DLGAP2: variants seen among roughly 807,000 people sequenced by gnomAD.
DLGAP2 encodes DLG associated protein 2, also known as disks large-associated protein 2.
Under a neutral mutation model 100.3 loss-of-function variants are expected in DLGAP2, and 26 were observed. The observed-to-expected ratio is 0.26, with a 90% CI of 0.19 to 0.36. DLGAP2 has a LOEUF of 0.36. DLGAP2 is among the 10% of genes least tolerant of loss of function. The probability of loss-of-function intolerance (pLI) is 1.00; values close to 1 mark genes in which losing one functional copy is unlikely to be tolerated. For synonymous variants in DLGAP2, 886 were observed against 630.1 expected, an observed-to-expected ratio of 1.41 and a Z score of -6.08; for missense variants, 1,858 against 1,453.2, an observed-to-expected ratio of 1.28 and a Z score of -4.53.
chr8:925,999 G>A (rs1798806226), intron 2 of DLGAP2, among the ~76,000 whole-genome samples: 1 of 152,198 alleles, frequency 6.6e-6, no homozygotes. Context: ...TACTCAGTGA[G>A]TAACTCACTT....
At chr8:1,389,500 C>G (rs778155312) in intron 3 of DLGAP2, among the ~76,000 whole-genome samples, 1 of 152,150 alleles carries the variant, frequency 6.6e-6, no homozygotes, top group Non-Finnish European at 1.5e-5. Flanking sequence ...GCTAAGGGCA[C>G]TCAGAGCTGG....
At chr8:1,529,520 T>C (rs888524183) in intron 4 of DLGAP2, among the ~76,000 whole-genome samples, 2 of 151,968 alleles carry the variant, frequency 1.3e-5, no homozygotes, top group African/African-American at 2.4e-5. Flanking sequence ...CTGAGAAAAA[T>C]TCATGTTTAT....
At chr8:1,252,208 G>C (rs111452008) in intron 2 of DLGAP2, among the ~76,000 whole-genome samples, 5,212 of 148,586 alleles carry the variant, frequency 0.035, 276 homozygotes, top group African/African-American at 0.11. Flanking sequence ...TGTCACACTT[G>C]TCACACTGTG....
chr8:1,003,636 C>T (rs1801024261), intron 2 of DLGAP2, among the ~76,000 whole-genome samples: 1 of 152,184 alleles, frequency 6.6e-6, no homozygotes, highest in South Asian at 2.1e-4. Flanking sequence ...GTGATGTGAG[C>T]TGGGGCTGAG....
chr8:1,136,532 C>T (rs963159444), intron 2 of DLGAP2, among the ~76,000 whole-genome samples: 12 of 152,206 alleles, frequency 7.9e-5, no homozygotes, highest in East Asian at 1.9e-4. Context: ...CGGCAGACAA[C>T]GTGGCTAGCA....
chr8:1,370,376 C>A (rs1802208795), intron 3 of DLGAP2, among the ~76,000 whole-genome samples: 1 of 152,148 alleles, frequency 6.6e-6, no homozygotes, highest in Non-Finnish European at 1.5e-5. Flanking sequence ...CTCGTCACCA[C>A]CTTAATACCC....
intron 12 of DLGAP2, 122 bp from the exon 13 acceptor site, chr8:1,691,412 CG>C (rs1162534978): frequency 2.6e-6 from 2 of 775,664 alleles, no homozygotes; most frequent in Non-Finnish European, 4.1e-6. Flanking sequence ...ACGCTCGGCA[CG>C]ATGAAGTCGT....
chr8:833,080 G>C (rs1174444695), intron 1 of DLGAP2, among the ~76,000 whole-genome samples: 4 of 152,196 alleles, frequency 2.6e-5, no homozygotes, highest in Non-Finnish European at 5.9e-5. Context: ...GAGCAGCACT[G>C]GGGTTGATAC....
intron 3 of DLGAP2, among the ~76,000 whole-genome samples, chr8:1,462,605 G>C (rs898365106): frequency 5.9e-5 from 9 of 152,172 alleles, no homozygotes; most frequent in African/African-American, 2.2e-4. Flanking sequence ...TGGCTACCTT[G>C]GGTGGATGGG....
intron 3 of DLGAP2, among the ~76,000 whole-genome samples, chr8:1,498,426 T>G (rs906488356): frequency 1.3e-5 from 2 of 152,188 alleles, no homozygotes; most frequent in African/African-American, 4.8e-5. Flanking sequence ...TTTTATTTTG[T>G]TCTTTATCTG....
intron 2 of DLGAP2, among the ~76,000 whole-genome samples, chr8:1,258,377 T>G (rs1028545455): frequency 6.6e-6 from 1 of 151,244 alleles, no homozygotes; most frequent in East Asian, 1.9e-4. Flanking sequence ...TAAGTGGGAG[T>G]TGAACAATGA....
chr8:1,125,802 C>A (rs537270496), intron 2 of DLGAP2, among the ~76,000 whole-genome samples: 1 of 152,198 alleles, frequency 6.6e-6, no homozygotes, highest in Non-Finnish European at 1.5e-5. Context: ...GCGGGAAGGC[C>A]GCTCTACAGC....
At chr8:1,478,749 C>T (rs1451278997) in intron 3 of DLGAP2, among the ~76,000 whole-genome samples, 2 of 152,302 alleles carry the variant, frequency 1.3e-5, no homozygotes, top group East Asian at 3.9e-4. Flanking sequence ...ACCCACCAGT[C>T]GGCTCCTCAG....
At chr8:947,203 G>A (rs1425701893) in intron 2 of DLGAP2, among the ~76,000 whole-genome samples, 1 of 152,164 alleles carries the variant, frequency 6.6e-6, no homozygotes, top group Non-Finnish European at 1.5e-5. Flanking sequence ...CAACCCAGGA[G>A]CCCGGGGAGC....
rs1000711260 is a variant in DLGAP2, at chr8:1,234,724, C to T, written c.74-24127C>T. On this transcript the variant is annotated intron_variant, in intron 2 of 14. Coordinates refer to ENST00000637795, the MANE Select transcript of DLGAP2 (RefSeq NM_001346810.2). ...TTGGACTGACAGTGATTCTGTTGCA[C>T]GTCACACCCTTTCTGGGAACTCATA... Among the ~76,000 whole-genome samples the T allele has an allele frequency of 5.3e-5, 8 of 152,286 alleles. No individual in the cohort carries two copies. In the East Asian group the frequency reaches 9.7e-4, roughly 18 times the overall value.
chr8:1,510,440 T>A (rs891462486), intron 4 of DLGAP2, among the ~76,000 whole-genome samples: 1 of 152,234 alleles, frequency 6.6e-6, no homozygotes. Context: ...CAGTTTGTGA[T>A]GCCTGGGCCA....
At chr8:1,311,417 A>T (rs1481003900) in intron 3 of DLGAP2, among the ~76,000 whole-genome samples, 1 of 152,252 alleles carries the variant, frequency 6.6e-6, no homozygotes, top group Non-Finnish European at 1.5e-5. Context: ...AACAATTCCT[A>T]ACACATTCCT....
rs372888355 is a variant in DLGAP2 at position 1,624,845 on chromosome 8, TTCTC to T, written c.1443-1875_1443-1872del. Among the ~76,000 whole-genome samples the T allele has an allele frequency of 5.2e-4, 65 of 126,112 alleles. No homozygotes were observed. In the South Asian group the frequency reaches 0.01, roughly 20 times the overall value. 82.7% of individuals were successfully genotyped at this position (126,112 alleles called of 152,430 possible). On this transcript the variant is annotated intron_variant, in intron 6 of 14. Coordinates refer to ENST00000637795, the MANE Select transcript of DLGAP2 (RefSeq NM_001346810.2). The stretch of plus-strand genomic sequence containing the variant: ...TCAAAACTAATTTCCTCCCTTTGCT[TTCTC>T]TCTCTCTCTCTCTCTCTCTGTCTCT...
chr8:1,022,782 G>A (rs1309633078), intron 2 of DLGAP2, among the ~76,000 whole-genome samples: 1 of 150,994 alleles, frequency 6.6e-6, no homozygotes. Flanking sequence ...GTCCCATGCC[G>A]AGGTAGACAC....
Sources: allele counts gnomAD v4.1 joint callset (sites outside exome capture counted in the v4.1 genomes callset), GRCh38; gene constraint gnomAD v4.1.1; transcripts MANE v1.5; gene names NCBI Gene and HGNC (gene_info 2026-07-23, HGNC 2026-07-21).